The following RFX7 variants were observed in gnomAD, a reference collection of about 807,000 sequenced individuals.
RFX7 encodes the protein regulatory factor X7.
Under a neutral mutation model 111.8 loss-of-function variants are expected in RFX7, and 26 were observed. That is an observed-to-expected ratio of 0.23 (90% CI 0.17 to 0.32). The LOEUF is 0.32. Ranked by LOEUF, RFX7 falls within the 10% of genes least tolerant of loss-of-function variation. The pLI, the probability that RFX7 is intolerant of heterozygous loss-of-function variation, is 1.00. For synonymous variants in RFX7, 624 were observed against 624.4 expected (o/e 1.00, Z 0.01); for missense variants, 1,573 against 1,772.9 (o/e 0.89, Z 2.02).
At chr15:56,242,619 G>A (rs1488530912) in intron 2 of RFX7, among the ~76,000 whole-genome samples, 1 of 152,092 alleles carries the variant, frequency 6.6e-6, no homozygotes, top group Non-Finnish European at 1.5e-5. Flanking sequence ...TTAGGATAAG[G>A]GAGGCAAAAA....
At position 56,128,317 on chromosome 15, in the gene RFX7, G is replaced by A. The variant is rs146364198; in HGVS notation, c.401+14461C>T. ...GAAAACCACAGACCAATATCCCTCA[G>A]ATGCAAAAATCCTTAACAAAAGACT... is the stretch of plus-strand genomic sequence containing the variant. On this transcript the variant is annotated intron_variant, in intron 5 of 9. Coordinates refer to ENST00000559447, the MANE Select transcript of RFX7 (RefSeq NM_022841.7). Among the ~76,000 whole-genome samples the A allele has an allele frequency of 3.9e-5, 6 of 152,186 alleles. No individual in the cohort carries two copies. The East Asian group carries it at 1.2e-3, about 29-fold the overall frequency.
intron 5 of RFX7, among the ~76,000 whole-genome samples, chr15:56,109,047 C>G (rs28634839): frequency 9.3e-5 from 14 of 151,162 alleles, no homozygotes; most frequent in East Asian, 1.9e-4. Context: ...CTCTCCCACT[C>G]CCTCTGCCTC....
intron 2 of RFX7, among the ~76,000 whole-genome samples, chr15:56,195,860 T>G (rs771668959): frequency 6.6e-6 from 1 of 152,170 alleles, no homozygotes; most frequent in African/African-American, 2.4e-5. Context: ...TTCCCTAATA[T>G]ACGCAACTCA....
chr15:56,142,458 G>C (rs763216737), intron 5 of RFX7, among the ~76,000 whole-genome samples: 8 of 152,070 alleles, frequency 5.3e-5, no homozygotes, highest in Non-Finnish European at 1.2e-4. Context: ...TCTAACCCCA[G>C]ATACACACTC....
intron 3 of RFX7, among the ~76,000 whole-genome samples, chr15:56,172,280 A>G (rs1234492151): frequency 2.0e-5 from 3 of 152,194 alleles, no homozygotes; most frequent in Non-Finnish European, 2.9e-5. Flanking sequence ...GACTAATTCA[A>G]TCAACACTTT....
At chr15:56,171,637 T>C (rs2042846072) in intron 3 of RFX7, among the ~76,000 whole-genome samples, 1 of 152,192 alleles carries the variant, frequency 6.6e-6, no homozygotes, top group Non-Finnish European at 1.5e-5. Flanking sequence ...GTGAAACCCA[T>C]GTCAGACTGC....
At chr15:56,186,623 A>C (rs2043041271) in intron 2 of RFX7, among the ~76,000 whole-genome samples, 1 of 152,010 alleles carries the variant, frequency 6.6e-6, no homozygotes. Flanking sequence ...ATACCTATGA[A>C]CTGTATACAT....
intron 2 of RFX7, among the ~76,000 whole-genome samples, chr15:56,238,858 A>G (rs72738701): frequency 0.13 from 19,849 of 152,178 alleles, 1,729 homozygotes; most frequent in East Asian, 0.45. Context: ...ATTTTGAACC[A>G]GAGTCCTGCT....
chr15:56,188,528 A>G (rs1470142515), intron 2 of RFX7, among the ~76,000 whole-genome samples: 1 of 152,246 alleles, frequency 6.6e-6, no homozygotes, highest in Non-Finnish European at 1.5e-5. Flanking sequence ...ACACTGTGAA[A>G]GCAGCCAGAA....
intron 3 of RFX7, among the ~76,000 whole-genome samples, chr15:56,148,845 G>C (rs980422247): frequency 6.6e-6 from 1 of 152,158 alleles, no homozygotes; most frequent in Non-Finnish European, 1.5e-5. Flanking sequence ...ACTTTGGGAG[G>C]CTGAGGTGGG....
In RFX7 at chr15:56,209,591, G is replaced by A. The variant is rs555898343; in HGVS notation, c.162-30288C>T. Among the ~76,000 whole-genome samples the A allele has an allele frequency of 2.0e-5, 3 of 152,206 alleles. No individual in the cohort carries two copies. The East Asian group carries it at 5.8e-4, about 29-fold the overall frequency. On this transcript the variant is annotated intron_variant, in intron 2 of 9. Coordinates refer to ENST00000559447, the MANE Select transcript of RFX7 (RefSeq NM_022841.7). ...TGTTCAAAACAATCACAGGAACAAT[G>A]TACTGAATTATGTATGCTCTTATAC...
At chr15:56,137,241 G>T (rs1446003053) in intron 5 of RFX7, among the ~76,000 whole-genome samples, 3 of 152,010 alleles carry the variant, frequency 2.0e-5, no homozygotes, top group Non-Finnish European at 2.9e-5. Context: ...CATCCATCTG[G>T]TCCTGGACTC....
Position 56,142,783 on chromosome 15 carries a change from C to G in RFX7, c.396G>C (p.Glu132Asp), listed in dbSNP as rs1426642563. 6.2e-7 allele frequency: 1 copy of G among 1,612,742 alleles called. No individual in the cohort carries two copies. Among genetic ancestry groups the G allele is most frequent in the Non-Finnish European group, 8.5e-7 (1 of 1,179,298 alleles). The change falls in exon 5 of 10, where the codon GAG (glutamate) becomes GAC (aspartate). Residue 132 changes from glutamate (E) to aspartate (D), a missense_variant. Physicochemically the swap from Glu to Asp is conservative, Grantham distance 45. Transcript: ENST00000559447. ...TSLPKQEVYD[E>D]YKSYCDNLGY... ...ATATTACACATACTACTTACTTGTA[C>G]TCATCATAGACTTCCTGTTTGGGCA...
At chr15:56,097,746 C>CAAAAAAAAAAAAAAAAAAAAAA (rs67718449) in intron 9 of RFX7, among the ~76,000 whole-genome samples, 2 of 47,338 alleles carry the variant, frequency 4.2e-5, no homozygotes, top group Non-Finnish European at 3.3e-5. Flanking sequence ...GACTCTGTCT[C>CAAAAAAAAAAAAAAAAAAAAAA]AAAAAAAAAA....
chr15:56,112,459 A>G (rs2041953056), intron 5 of RFX7, among the ~76,000 whole-genome samples: 1 of 151,974 alleles, frequency 6.6e-6, no homozygotes, highest in Admixed American at 6.6e-5. Flanking sequence ...CATATGCAGA[A>G]AACTGAAACT....
At chr15:56,225,689 T>C (rs769073404) in intron 2 of RFX7, among the ~76,000 whole-genome samples, 5 of 152,136 alleles carry the variant, frequency 3.3e-5, no homozygotes, top group Admixed American at 6.5e-5. Flanking sequence ...AGGTTGAAAT[T>C]TGGTATCTTT....
chr15:56,201,663 CT>C (rs1454151706), intron 2 of RFX7, among the ~76,000 whole-genome samples: 2 of 152,220 alleles, frequency 1.3e-5, no homozygotes, highest in East Asian at 3.9e-4. Flanking sequence ...GTAGGAATGT[CT>C]GGTAGTAGTC....
At chr15:56,102,314 T>A in intron 6 of RFX7, 61 bp from the exon 7 acceptor site, 1 of 948,730 alleles carries the variant, frequency 1.1e-6, no homozygotes. Flanking sequence ...CAGACAGCAC[T>A]TTAAAAGTAA....
Position 56,091,606 on chromosome 15 carries a change from C to T in RFX7, c.*1739G>A, listed in dbSNP as rs2041596195. ...TTTGTCAGGAGAAATCACACAGTTT[C>T]CTTTGGGTATTGCATACTTTGGTGT... On this transcript the variant is annotated 3_prime_UTR_variant, in exon 10 of 10. Coordinates refer to ENST00000559447, the MANE Select transcript of RFX7 (RefSeq NM_022841.7). 1 of 152,256 alleles carries T rather than the reference C, an allele frequency of 6.6e-6. No homozygotes were observed. The highest frequency in any genetic ancestry group is 6.6e-5 in the Admixed American group (1 of 15,254). 9.4% of individuals were successfully genotyped at this position (152,256 alleles called of 1,614,324 possible). A position where few individuals can be genotyped will look rare whatever the true frequency, so the allele number is the denominator to read the frequency against.
Sources: gnomAD v4.1 joint callset for allele counts (sites outside exome capture counted in the v4.1 genomes callset) on GRCh38, gnomAD v4.1.1 for gene constraint, MANE v1.5 for transcripts, NCBI Gene and HGNC (gene_info 2026-07-23, HGNC 2026-07-21) for gene names.